Variants in COX4I1 observed in about 807,000 individuals in gnomAD.
COX4I1 encodes cytochrome c oxidase subunit 4I1.
In COX4I1, 18 loss-of-function variants were observed where a neutral mutation model predicts 21.7. The ratio of observed to expected loss-of-function variants is 0.83; its 90% CI spans 0.57 to 1.23. The LOEUF (loss-of-function observed/expected upper bound fraction) is 1.23, where lower values mean the gene tolerates loss of function less well. Ranked by LOEUF, COX4I1 falls within the 50% of genes most tolerant of loss-of-function variation. The pLI, the probability that COX4I1 is intolerant of heterozygous loss-of-function variation, is 0.00. For missense variants in COX4I1, 238 were observed against 220.7 expected (o/e 1.08, Z -0.50); for synonymous variants, 100 against 81.5 (o/e 1.23, Z -1.23).
Position 85,806,959 on chromosome 16 carries a change from C to A in COX4I1, c.*85C>A. 6.9e-7 allele frequency: 1 copy of A among 1,446,994 alleles called. No homozygotes were observed. Among genetic ancestry groups the A allele is most frequent in the Non-Finnish European group, 9.5e-7 (1 of 1,057,440 alleles). 89.6% of individuals were successfully genotyped at this position (1,446,994 alleles called of 1,614,324 possible). On this transcript the variant is annotated 3_prime_UTR_variant, in exon 5 of 5. Transcript: ENST00000253452. ...CCTATTTACTGGAAACCTGTTATGC[C>A]AAACAGTTGTACCACTGCTAATAAA... is the stretch of plus-strand genomic sequence containing the variant.
At chr16:85,806,013 G>A in intron 4 of COX4I1, 149 bp downstream of exon 4, 1 of 1,132,194 alleles carries the variant, frequency 8.8e-7, no homozygotes, top group Non-Finnish European at 1.3e-6. Context: ...TCCAGGCCTT[G>A]GTGACCTGGA....
At chr16:85,806,485 G>T (rs1418645873) in intron 4 of COX4I1, 1 of 707,572 alleles carries the variant, frequency 1.4e-6, no homozygotes, top group South Asian at 1.5e-5. Context: ...GTCAGATCCT[G>T]TTATCCATAG....
intron 1 of COX4I1, among the ~76,000 whole-genome samples, chr16:85,800,415 C>T (rs1400281603): frequency 6.6e-6 from 1 of 152,200 alleles, no homozygotes; most frequent in Non-Finnish European, 1.5e-5. Context: ...TTGATCGGGG[C>T]TGTGTTGGCA....
intron 3 of COX4I1, chr16:85,805,344 C>T: frequency 1.9e-6 from 1 of 537,992 alleles, no homozygotes; most frequent in Non-Finnish European, 3.3e-6. Flanking sequence ...GAGGTAGCCT[C>T]TCAGCATATC....
chr16:85,799,703 GT>G lies in COX4I1; in HGVS notation c.-50del, dbSNP rs1169287154. 1 of 163,464 alleles carries G rather than the reference GT, an allele frequency of 6.1e-6. No individual in the cohort carries two copies. The highest frequency in any genetic ancestry group is 1.8e-4 in the East Asian group (1 of 5,692). The allele number at this position is 163,464 out of a possible 1,614,324, so 10.1% of individuals were successfully genotyped here. ...CGCGGCGCGGCCTTGCTCTCTTCCGGTCGCGGGACACCGGGTGTAGAGGGCG... is the reference window on the plus strand; with the variant it reads ...CGCGGCGCGGCCTTGCTCTCTTCCGGCGCGGGACACCGGGTGTAGAGGGCG... On this transcript the variant is annotated 5_prime_UTR_variant, in exon 1 of 5. Coordinates refer to ENST00000253452, the MANE Select transcript of COX4I1 (RefSeq NM_001861.6). This position sits in a 1 kb window ranked among gnomAD's most constrained non-coding sequence, Gnocchi z 4.2.
At chr16:85,805,276 C>G (rs966275294) in intron 3 of COX4I1, 172 bp downstream of exon 3, 32 of 627,468 alleles carry the variant, frequency 5.1e-5, no homozygotes, top group African/African-American at 4.8e-4. Flanking sequence ...GCTCACCAGT[C>G]ACTTAGCTCT....
chr16:85,801,184 G>A (rs771611429), intron 1 of COX4I1, 21 bp from the exon 2 acceptor site: 3 of 1,589,568 alleles, frequency 1.9e-6, no homozygotes, highest in Admixed American at 3.4e-5. Flanking sequence ...CATAGAGAAG[G>A]TGTACATTTT....
chr16:85,805,346 C>G (rs1168357916), intron 3 of COX4I1: 1 of 537,792 alleles, frequency 1.9e-6, no homozygotes, highest in Non-Finnish European at 3.3e-6. Flanking sequence ...GGTAGCCTCT[C>G]AGCATATCTG....
intron 4 of COX4I1, 48 bp downstream of exon 4, chr16:85,805,912 C>T (rs1906163135): frequency 1.9e-6 from 3 of 1,610,644 alleles, no homozygotes; most frequent in Admixed American, 3.3e-5. Context: ...GGGGCTCCAG[C>T]CTGCAGTGCC....
intron 1 of COX4I1, among the ~76,000 whole-genome samples, chr16:85,800,593 T>C (rs1376182126): frequency 6.6e-6 from 1 of 152,136 alleles, no homozygotes; most frequent in African/African-American, 2.4e-5. Context: ...TCTCTAGCTT[T>C]TTCAGAGTCA....
At chr16:85,801,158 G>A (rs781487417) in intron 1 of COX4I1, 47 bp from the exon 2 acceptor site, 1 of 1,493,082 alleles carries the variant, frequency 6.7e-7, no homozygotes, top group South Asian at 1.2e-5. Context: ...CTAATTCCTT[G>A]CTGTTTGTCC....
At chr16:85,805,162 C>T in intron 3 of COX4I1, 58 bp downstream of exon 3, 1 of 1,531,358 alleles carries the variant, frequency 6.5e-7, no homozygotes, top group Non-Finnish European at 8.8e-7. Flanking sequence ...GTGTGTGTGA[C>T]AGAGCCTCTG....
chr16:85,801,209 T>G lies in COX4I1; in HGVS notation c.4T>G (p.Leu2Val). ...GTGTACATTTTTATCTTTCAGAATG[T>G]TGGCTACCAGGGTATTTAGCCTAGT... is the stretch of plus-strand genomic sequence containing the variant. M[L>V]ATRVFSLVGK... The change falls in exon 2 of 5, where the codon TTG (leucine) becomes GTG (valine). Residue 2 changes from leucine to valine, a missense_variant. Transcript: ENST00000253452. 1 of 1,606,316 alleles carries G rather than the reference T, an allele frequency of 6.2e-7. No homozygotes were observed. The highest frequency in any genetic ancestry group is 1.3e-5 in the African/African-American group (1 of 74,978).
At chr16:85,805,309 T>C (rs766228302) in intron 3 of COX4I1, 256 of 578,406 alleles carry the variant, frequency 4.4e-4, no homozygotes, top group Non-Finnish European at 6.1e-4. Context: ...GATCTTTTGC[T>C]AGGCCCCCTT....
rs1347123686 is a variant in COX4I1 at position 85,799,994 on chromosome 16, G to A, written c.-2+242G>A. On this transcript the variant is annotated intron_variant, in intron 1 of 4. Coordinates refer to ENST00000253452, the MANE Select transcript of COX4I1 (RefSeq NM_001861.6). The surrounding 1 kb of genome is among the most constrained non-coding windows in gnomAD (Gnocchi z 4.2). ...CCCGGTCTCGCAGCGGCTGCGGACC[G>A]GCCTCGGGCACTGACCTTGGAGCGC... is the stretch of plus-strand genomic sequence containing the variant. 2 of 152,222 alleles carry A rather than the reference G, an allele frequency of 1.3e-5. No individual in the cohort carries two copies. The highest frequency in any genetic ancestry group is 2.9e-5 in the Non-Finnish European group (2 of 68,056). The allele number at this position is 152,222 out of a possible 1,614,324, so 9.4% of individuals were successfully genotyped here.
At chr16:85,806,568 ATGTCAGTGT>A (rs1906220352) in intron 4 of COX4I1, 161 bp from the exon 5 acceptor site, 3 of 929,370 alleles carry the variant, frequency 3.2e-6, no homozygotes, top group African/African-American at 1.6e-5. Context: ...TAATTTTAAA[ATGTCAGTGT>A]TGTCAGTGGT....
intron 4 of COX4I1, chr16:85,806,105 A>G: frequency 1.7e-6 from 1 of 599,240 alleles, no homozygotes; most frequent in Non-Finnish European, 2.9e-6. Flanking sequence ...AAATACCTTA[A>G]CTACTTTGTA....
At chr16:85,805,418 G>T in intron 3 of COX4I1, 1 of 523,118 alleles carries the variant, frequency 1.9e-6, no homozygotes, top group Non-Finnish European at 3.4e-6. Context: ...CATAGTGTTT[G>T]GTATGAAAGG....
chr16:85,802,133 A>G (rs1049681043), intron 2 of COX4I1, among the ~76,000 whole-genome samples: 32 of 152,196 alleles, frequency 2.1e-4, no homozygotes, highest in African/African-American at 7.7e-4. Flanking sequence ...AACTACCATC[A>G]GAACCACCCA....
Sources: allele counts gnomAD v4.1 joint callset (sites outside exome capture counted in the v4.1 genomes callset), GRCh38; gene constraint gnomAD v4.1.1; non-coding constraint Gnocchi (gnomAD v3.1); transcripts MANE v1.5; gene names NCBI Gene and HGNC (gene_info 2026-07-23, HGNC 2026-07-21).